Variants in KDM4C observed in about 807,000 individuals in gnomAD.
KDM4C encodes lysine demethylase 4C.
Under a neutral mutation model 129.3 loss-of-function variants are expected in KDM4C, and 81 were observed. The observed-to-expected ratio is 0.63, with a 90% confidence interval of 0.52 to 0.75. The LOEUF (loss-of-function observed/expected upper bound fraction) is 0.75. KDM4C is among the 30% of genes least tolerant of loss of function. KDM4C has a pLI of 0.00. For missense variants in KDM4C, 1,457 were observed against 1,304.0 expected, an observed-to-expected ratio of 1.12 and a Z score of -1.81; for synonymous variants, 573 against 456.1, an observed-to-expected ratio of 1.26 and a Z score of -3.26.
At chr9:7,093,253 A>G (rs888428130) in intron 17 of KDM4C, among the ~76,000 whole-genome samples, 5 of 152,188 alleles carry the variant, frequency 3.3e-5, no homozygotes, top group African/African-American at 9.6e-5. Context: ...AGGGTGGAGC[A>G]TGGTGTTGTT....
chr9:7,011,537 C>G (rs142611232), intron 12 of KDM4C, among the ~76,000 whole-genome samples, 161 bp from the exon 13 acceptor site: 2 of 152,284 alleles, frequency 1.3e-5, no homozygotes, highest in East Asian at 3.9e-4. Context: ...AAGGCAACTT[C>G]CCTTATCCTG....
At chr9:7,154,361 C>T (rs557047805) in intron 19 of KDM4C, among the ~76,000 whole-genome samples, 4 of 152,188 alleles carry the variant, frequency 2.6e-5, no homozygotes, top group African/African-American at 7.2e-5. Context: ...AACTATATGC[C>T]GATTAACTAC....
At chr9:6,853,314 T>A (rs1839188282) in intron 5 of KDM4C, among the ~76,000 whole-genome samples, 1 of 148,002 alleles carries the variant, frequency 6.8e-6, no homozygotes, top group Admixed American at 6.6e-5. Flanking sequence ...ATGGCAAAAC[T>A]GTTTCTACAA....
intron 12 of KDM4C, among the ~76,000 whole-genome samples, chr9:7,006,315 A>C (rs915531981): frequency 6.6e-5 from 10 of 152,248 alleles, no homozygotes; most frequent in East Asian, 3.9e-4. Context: ...CCTTCTCATA[A>C]CATGTCCTGT....
chr9:6,976,239 G>C (rs1279162071), intron 8 of KDM4C, among the ~76,000 whole-genome samples: 1 of 152,028 alleles, frequency 6.6e-6, no homozygotes, highest in Non-Finnish European at 1.5e-5. Flanking sequence ...TAAATAAGAG[G>C]TTACTTTGAT....
chr9:6,738,891 C>T (rs1817605703), intron 1 of KDM4C, among the ~76,000 whole-genome samples: 1 of 151,436 alleles, frequency 6.6e-6, no homozygotes, highest in South Asian at 2.1e-4. Flanking sequence ...GGCCGCCCAG[C>T]TAATTTCTAT....
chr9:6,997,522 A>T (rs1476422567), intron 12 of KDM4C, among the ~76,000 whole-genome samples: 3 of 152,210 alleles, frequency 2.0e-5, no homozygotes, highest in Non-Finnish European at 4.4e-5. Flanking sequence ...TCTTCTTCTA[A>T]GTGAGAAATT....
intron 1 of KDM4C, among the ~76,000 whole-genome samples, chr9:6,783,701 T>C (rs1352650303): frequency 6.6e-6 from 1 of 152,204 alleles, no homozygotes; most frequent in Non-Finnish European, 1.5e-5. Context: ...CCACAAAAGC[T>C]GTGCCTGGAG....
chr9:7,106,307 A>T (rs1185073299), intron 18 of KDM4C, among the ~76,000 whole-genome samples: 1 of 152,242 alleles, frequency 6.6e-6, no homozygotes, highest in East Asian at 1.9e-4. Context: ...ATCAATGCTA[A>T]GAGGTATGCT....
At chr9:7,115,885 A>G (rs530098192) in intron 18 of KDM4C, among the ~76,000 whole-genome samples, 13 of 152,314 alleles carry the variant, frequency 8.5e-5, no homozygotes, top group African/African-American at 2.6e-4. Flanking sequence ...TCTCACATAC[A>G]AGTCAATACG....
chr9:6,805,547 A>G (rs1264564420), intron 2 of KDM4C, 52 bp from the exon 3 acceptor site: 9 of 1,311,662 alleles, frequency 6.9e-6, no homozygotes, highest in Non-Finnish European at 9.4e-6. Context: ...TAAAAGCTAA[A>G]TTACTTGGAG....
chr9:6,744,131 A>G (rs1162283744), intron 1 of KDM4C, among the ~76,000 whole-genome samples: 1 of 152,048 alleles, frequency 6.6e-6, no homozygotes, highest in Non-Finnish European at 1.5e-5. Context: ...GTGGGGAGGC[A>G]GACTGACTTC....
At chr9:6,885,279 CTTG>C (rs1845083566) in intron 6 of KDM4C, among the ~76,000 whole-genome samples, 1 of 152,076 alleles carries the variant, frequency 6.6e-6, no homozygotes, top group Non-Finnish European at 1.5e-5. Flanking sequence ...TATGTGTAGA[CTTG>C]TTTTTTGCTT....
At chr9:6,749,045 G>A (rs936807992) in intron 1 of KDM4C, 1 of 589,240 alleles carries the variant, frequency 1.7e-6, no homozygotes, top group African/African-American at 1.9e-5. Context: ...TTGAAATGGA[G>A]TTTTGCTCTT....
chr9:7,076,677 C>T (rs935914325), intron 17 of KDM4C: 3 of 1,295,838 alleles, frequency 2.3e-6, no homozygotes, highest in African/African-American at 1.5e-5. Flanking sequence ...TCTGGATCCT[C>T]ACACCTTTGT....
chr9:6,861,641 T>A (rs1426795243), intron 5 of KDM4C, among the ~76,000 whole-genome samples: 1 of 152,214 alleles, frequency 6.6e-6, no homozygotes, highest in Non-Finnish European at 1.5e-5. Context: ...TTGTCATGAA[T>A]CTATCCCCTC....
chr9:6,834,208 G>C (rs1835436630), intron 4 of KDM4C, among the ~76,000 whole-genome samples: 1 of 151,926 alleles, frequency 6.6e-6, no homozygotes, highest in Non-Finnish European at 1.5e-5. Flanking sequence ...CCAGTTAATT[G>C]TATTTTTAGT....
At chr9:6,896,639 A>G (rs896353966) in intron 8 of KDM4C, among the ~76,000 whole-genome samples, 1 of 152,084 alleles carries the variant, frequency 6.6e-6, no homozygotes, top group Non-Finnish European at 1.5e-5. Flanking sequence ...CCTTTTGATC[A>G]TAAGTCAACA....
At position 7,103,700 on chromosome 9, in the gene KDM4C, A is replaced by C. The variant is rs1217258397; in HGVS notation, c.2440A>C (p.Arg814=). The C allele has an allele frequency of 1.2e-6, 2 of 1,613,604 alleles. No individual in the cohort carries two copies. The highest frequency in any genetic ancestry group is 3.3e-5 in the Admixed American group (2 of 59,982). Residue 814 remains arginine, a synonymous_variant, in exon 18 of 22, where the codon AGA becomes CGA. Coordinates refer to ENST00000381309, the MANE Select transcript of KDM4C (RefSeq NM_015061.6). ...AACCTTCCAGAAATGCATCTTCTGC[A>C]GACACCGGGTTAAGAGGGTCTCTGG... is the stretch of plus-strand genomic sequence containing the variant. ...QRLKLKCIFC[R]HRVKRVSGAC...
Sources: gnomAD v4.1 joint callset for allele counts (sites outside exome capture counted in the v4.1 genomes callset) on GRCh38, gnomAD v4.1.1 for gene constraint, MANE v1.5 for transcripts, NCBI Gene and HGNC (gene_info 2026-07-23, HGNC 2026-07-21) for gene names.